The following SHANK1 variants were observed in gnomAD, a reference collection of about 807,000 sequenced individuals.
SHANK1 encodes SH3 and multiple ankyrin repeat domains protein 1.
SHANK1 carries 35 observed loss-of-function variants against 165.6 expected under a neutral mutation model. That is an observed-to-expected ratio of 0.21 (90% CI 0.16 to 0.28). SHANK1 has a LOEUF of 0.28. SHANK1 is among the 10% of genes least tolerant of loss of function. The pLI, the probability that SHANK1 is intolerant of heterozygous loss-of-function variation, is 1.00. For missense variants in SHANK1, 2,681 were observed against 3,036.4 expected, an observed-to-expected ratio of 0.88 and a Z score of 2.75; for synonymous variants, 1,428 against 1,384.8, an observed-to-expected ratio of 1.03 and a Z score of -0.69.
In SHANK1 at chr19:50,660,003, CT is replaced by C. The variant is rs1341748959; in HGVS notation, c.*1961del. Among the ~76,000 whole-genome samples, 19 of 150,780 alleles carry C rather than the reference CT, an allele frequency of 1.3e-4. No homozygotes were observed. The highest frequency in any genetic ancestry group is 4.0e-4 in the East Asian group (2 of 5,032). ...TCCCTGACATGGTGAGGGGAGGGGG[CT>C]TGCAGCCCCCTCCCCTCATGGACGG... is the stretch of plus-strand genomic sequence containing the variant. On this transcript the variant is annotated 3_prime_UTR_variant, in exon 24 of 24. Transcript: ENST00000293441.
chr19:50,703,792 G>C lies in SHANK1; in HGVS notation c.1261C>G (p.Arg421Gly). 1 of 1,428,426 alleles carries C rather than the reference G, an allele frequency of 7.0e-7. No homozygotes were observed. Among genetic ancestry groups the C allele is most frequent in the Non-Finnish European group, 9.1e-7 (1 of 1,096,040 alleles). 88.5% of individuals were successfully genotyped at this position (1,428,426 alleles called of 1,614,324 possible). Reference sequence around the variant, plus strand: ...GTCAGCCCTGTGCCTGGGGGCCCCCGTCGCCGGGCCGCGTACTTGGGGGAC... The same window carrying C: ...GTCAGCCCTGTGCCTGGGGGCCCCCCTCGCCGGGCCGCGTACTTGGGGGAC... ...QESPKYAARR[R>G]GPPGTGLTVP... Residue 421 changes from arginine to glycine, a missense_variant, in exon 11 of 24, where the codon CGG becomes GGG. By Grantham distance (125) the Arg-to-Gly change is moderately radical (BLOSUM62 -2). Transcript: ENST00000293441.
intron 4 of SHANK1, among the ~76,000 whole-genome samples, chr19:50,715,038 G>A (rs1019174805): frequency 1.3e-5 from 2 of 152,008 alleles, no homozygotes; most frequent in African/African-American, 4.8e-5. Context: ...TGGGGAGAGG[G>A]TAGACAAGGA....
rs984849940 is a variant in SHANK1 at position 50,716,505 on chromosome 19, G to T, written c.256-27C>A. On this transcript the variant is annotated intron_variant, in intron 2 of 23. Transcript: ENST00000293441. This position sits in a 1 kb window ranked among gnomAD's most constrained non-coding sequence, Gnocchi z 8.4. ...TGGTTGGGGAAGAGATAGGGGCTAG[G>T]GTGGGCCAGGGGCCAGAGGAGAGCC... The T allele has an allele frequency of 6.2e-7, 1 of 1,612,126 alleles. No individual in the cohort carries two copies.
At position 50,702,476 on chromosome 19, in the gene SHANK1, T is replaced by A. The variant is rs761958417; in HGVS notation, c.1738A>T (p.Lys580Ter). Reference protein sequence around the residue: ...EGEISLSKGEKIKVLSIGEGG... With the variant: ...EGEISLSKGE Reference sequence around the variant, plus strand: ...CTTCCACCCTGGGTACCTTTGATCTTCTCGCCCTTGCTCAGGGAGATCTCC... The same window carrying A: ...CTTCCACCCTGGGTACCTTTGATCTACTCGCCCTTGCTCAGGGAGATCTCC... Residue 580 changes from lysine (K) to a stop codon, truncating the protein, a stop_gained, in exon 12 of 24, where the codon AAG (lysine) becomes TAG (stop). Coordinates refer to ENST00000293441, the MANE Select transcript of SHANK1 (RefSeq NM_016148.5). LOFTEE classifies it high-confidence loss of function. The surrounding 1 kb of genome is among the most constrained non-coding windows in gnomAD (Gnocchi z 5.3). 1 of 1,611,572 alleles carries A rather than the reference T, an allele frequency of 6.2e-7. No individual in the cohort carries two copies. The highest frequency in any genetic ancestry group is 8.5e-7 in the Non-Finnish European group (1 of 1,179,040).
Position 50,718,377 on chromosome 19 carries a change from G to T in SHANK1, c.-44+1029C>A, listed in dbSNP as rs1017190330. Among the ~76,000 whole-genome samples, 2 of 152,100 alleles carry T rather than the reference G, an allele frequency of 1.3e-5. No individual in the cohort carries two copies. The highest frequency in any genetic ancestry group is 4.8e-5 in the African/African-American group (2 of 41,414). On this transcript the variant is annotated intron_variant, in intron 1 of 23. Coordinates refer to ENST00000293441, the MANE Select transcript of SHANK1 (RefSeq NM_016148.5). The surrounding 1 kb of genome is among the most constrained non-coding windows in gnomAD (Gnocchi z 5.1). ...CTGGGGCCCGCAGACACTCCCCCTCGGCTGACCCTGGCTGACCCCCAGCCT... is the reference window on the plus strand; with the variant it reads ...CTGGGGCCCGCAGACACTCCCCCTCTGCTGACCCTGGCTGACCCCCAGCCT...
rs1426190380 is a variant in SHANK1 at position 50,670,475 on chromosome 19, G to T, written c.2675-1190C>A. Among the ~76,000 whole-genome samples the T allele has an allele frequency of 6.6e-6, 1 of 152,132 alleles. No individual in the cohort carries two copies. Among genetic ancestry groups the T allele is most frequent in the Non-Finnish European group, 1.5e-5 (1 of 68,030 alleles). The stretch of plus-strand genomic sequence containing the variant: ...CCTTCAATCTAGTCCCTTCACAGCA[G>T]CCAGAGGGTTTCTGTTAAAACCGAA... On this transcript the variant is annotated intron_variant, in intron 22 of 23. Transcript: ENST00000293441. The surrounding 1 kb of genome is among the most constrained non-coding windows in gnomAD (Gnocchi z 4.1).
At position 50,668,004 on chromosome 19, in the gene SHANK1, G is replaced by T. The variant is rs1985617457; in HGVS notation, c.3956C>A (p.Ala1319Asp). The part of the protein sequence containing the change: ...GYGGYGAGSR[A>D]YGGGGGSSAF... ...GCTGCTGCCCCCGCCACCCCCGTAG[G>T]CTCGGCTACCGGCCCCGTAGCCGCC... is the stretch of plus-strand genomic sequence containing the variant. The change falls in exon 23 of 24, where the codon GCC becomes GAC. Residue 1319 changes from alanine (A) to aspartate (D), a missense_variant. By Grantham distance (126) the Ala-to-Asp change is moderately radical. This residue lies in a region of SHANK1 where 1,713 missense variants were observed against 1,630.2 expected (regional missense o/e 1.05). Transcript: ENST00000293441. 1 of 1,474,092 alleles carries T rather than the reference G, an allele frequency of 6.8e-7. No individual in the cohort carries two copies. The highest frequency in any genetic ancestry group is 3.0e-5 in the East Asian group (1 of 33,444). The allele number at this position is 1,474,092 out of a possible 1,614,324, so 91.3% of individuals were successfully genotyped here.
At chr19:50,695,561 G>A (rs1986713513) in intron 15 of SHANK1, among the ~76,000 whole-genome samples, 1 of 151,796 alleles carries the variant, frequency 6.6e-6, no homozygotes, top group Non-Finnish European at 1.5e-5. Flanking sequence ...CCGCGCAGGT[G>A]CAGAGCTAGA....
At chr19:50,709,903 T>C (rs955808650) in intron 8 of SHANK1, among the ~76,000 whole-genome samples, 7 of 152,192 alleles carry the variant, frequency 4.6e-5, no homozygotes, top group Admixed American at 1.3e-4. Flanking sequence ...AGTTTCTGTC[T>C]CTCGACTGGA....
intron 12 of SHANK1, among the ~76,000 whole-genome samples, chr19:50,699,928 A>G (rs1285317016): frequency 2.2e-5 from 2 of 92,034 alleles, no homozygotes; most frequent in African/African-American, 4.3e-5. Flanking sequence ...GGGGCATTGG[A>G]GGATTGGAGG....
At chr19:50,684,092 G>C (rs1986256983) in intron 21 of SHANK1, among the ~76,000 whole-genome samples, 1 of 152,200 alleles carries the variant, frequency 6.6e-6, no homozygotes, top group African/African-American at 2.4e-5. Context: ...AGCTGGTTGT[G>C]AAGAAGTTTG....
At chr19:50,701,294 G>C (rs1225859561) in intron 12 of SHANK1, among the ~76,000 whole-genome samples, 1 of 145,404 alleles carries the variant, frequency 6.9e-6, no homozygotes, top group African/African-American at 2.6e-5. Context: ...CAATTTTCCT[G>C]CCTCGGCCTC....
At chr19:50,711,585 C>A in intron 7 of SHANK1, 98 bp from the exon 8 acceptor site, 1 of 840,616 alleles carries the variant, frequency 1.2e-6, no homozygotes, top group Non-Finnish European at 1.9e-6. Context: ...CCTTCTCATC[C>A]TATCGTTCAC....
At chr19:50,708,581 T>C (rs558346307) in intron 8 of SHANK1, among the ~76,000 whole-genome samples, 1 of 147,644 alleles carries the variant, frequency 6.8e-6, no homozygotes, top group South Asian at 2.3e-4. Flanking sequence ...TAGTAGGTGC[T>C]CAAGGAACGT....
At chr19:50,700,143 G>A (rs1357902112) in intron 12 of SHANK1, among the ~76,000 whole-genome samples, 1 of 145,618 alleles carries the variant, frequency 6.9e-6, no homozygotes, top group South Asian at 2.2e-4. Context: ...TGGAAGGCTC[G>A]GGTTGGAAGG....
intron 12 of SHANK1, among the ~76,000 whole-genome samples, chr19:50,700,056 GT>G (rs1986865533): frequency 3.6e-5 from 2 of 54,926 alleles, no homozygotes. Flanking sequence ...GCATTGGAGG[GT>G]TGGAAGGCTC....
intron 21 of SHANK1, 54 bp from the exon 22 acceptor site, chr19:50,672,168 C>A: frequency 7.0e-7 from 1 of 1,424,952 alleles, no homozygotes; most frequent in South Asian, 1.2e-5. Context: ...AGAGATCAGT[C>A]AGCGCAGAAA....
chr19:50,686,199 TC>T lies in SHANK1; in HGVS notation c.2577+37del, dbSNP rs748556705. 6 of 1,260,420 alleles carry T rather than the reference TC, an allele frequency of 4.8e-6. No homozygotes were observed. Among genetic ancestry groups the T allele is most frequent in the Admixed American group, 2.0e-5 (1 of 48,982 alleles). 78.1% of individuals were successfully genotyped at this position (1,260,420 alleles called of 1,614,324 possible). A position where few individuals can be genotyped will look rare whatever the true frequency, so the allele number is the denominator to read the frequency against. On this transcript the variant is annotated intron_variant, in intron 21 of 23. Transcript: ENST00000293441. The surrounding 1 kb of genome is among the most constrained non-coding windows in gnomAD (Gnocchi z 5.7). ...GCTCCAGGTTGGTGTGTGAACCGCC[TC>T]CCCCCTGGCAGTTCCTCCCCACACC...
rs1024166047 is a variant in SHANK1, at chr19:50,686,698, G to A, written c.2458+46C>T. ...GTGGGACAGGGATGCAGCGGGTGCC[G>A]GGGCTGGGGCCCGGCATCCCGAGGA... On this transcript the variant is annotated intron_variant, in intron 20 of 23. Transcript: ENST00000293441. This position sits in a 1 kb window ranked among gnomAD's most constrained non-coding sequence, Gnocchi z 5.7. 5.1e-6 allele frequency: 8 copies of A among 1,577,686 alleles called. No homozygotes were observed. The highest frequency in any genetic ancestry group is 2.2e-5 in the East Asian group (1 of 44,482).
Sources: gnomAD v4.1 joint callset for allele counts (sites outside exome capture counted in the v4.1 genomes callset) on GRCh38, gnomAD v4.1.1 for gene constraint, gnomAD v4.1.1 regional missense constraint, Gnocchi (gnomAD v3.1) non-coding constraint, MANE v1.5 for transcripts, NCBI Gene and HGNC (gene_info 2026-07-23, HGNC 2026-07-21) for gene names.